Variants in PACS1 observed in about 807,000 individuals in gnomAD.
The protein encoded by PACS1 is phosphofurin acidic cluster sorting protein 1, also known as PACS-1.
PACS1 carries 24 observed loss-of-function variants against 115.0 expected under a neutral mutation model. The ratio of observed to expected loss-of-function variants is 0.21; its 90% CI spans 0.15 to 0.29. The LOEUF is 0.29. Among genes scored for constraint, PACS1 ranks in the 10% least tolerant of loss-of-function variants. The pLI, the probability that PACS1 is intolerant of heterozygous loss-of-function variation, is 1.00. For synonymous variants in PACS1, 453 were observed against 504.5 expected (o/e 0.90, Z 1.37); for missense variants, 838 against 1,251.2 (o/e 0.67, Z 4.98).
intron 1 of PACS1, among the ~76,000 whole-genome samples, chr11:66,163,081 G>T (rs989750108): frequency 6.6e-6 from 1 of 152,122 alleles, no homozygotes; most frequent in Non-Finnish European, 1.5e-5. Flanking sequence ...GGGTGTGGTG[G>T]CTCACACCTG....
At chr11:66,145,767 G>A (rs1859108307) in intron 1 of PACS1, among the ~76,000 whole-genome samples, 1 of 152,212 alleles carries the variant, frequency 6.6e-6, no homozygotes, top group African/African-American at 2.4e-5. Context: ...CCCATGGGCA[G>A]AGGTTGGAAG....
At chr11:66,094,678 C>A (rs1039146632) in intron 1 of PACS1, among the ~76,000 whole-genome samples, 3 of 152,224 alleles carry the variant, frequency 2.0e-5, no homozygotes, top group Non-Finnish European at 4.4e-5. Context: ...AGGAGGGAAT[C>A]CTCCCTAACT....
intron 7 of PACS1, 80 bp downstream of exon 7, chr11:66,216,855 G>C: frequency 1.1e-6 from 1 of 912,806 alleles, no homozygotes; most frequent in South Asian, 1.4e-5. Context: ...TTCAGGCCTA[G>C]TGGAGACTTC....
rs375226032 is a variant in PACS1, at chr11:66,230,541, A to G, written c.1375-7A>G. The stretch of plus-strand genomic sequence containing the variant: ...TCATCTTCACTGTTTCCTCTCCTCC[A>G]TGGTAGGAAATCACTGACCAGGACA... On this transcript the variant is annotated splice_polypyrimidine_tract_variant and splice_region_variant and intron_variant, in intron 11 of 23. Transcript: ENST00000320580. 6.3e-5 allele frequency: 102 copies of G among 1,607,866 alleles called. 1 individual carries two copies. The highest frequency in any genetic ancestry group is 1.6e-4 in the Middle Eastern group (1 of 6,078).
intron 1 of PACS1, among the ~76,000 whole-genome samples, chr11:66,188,244 A>C (rs1854433468): frequency 7.3e-6 from 1 of 136,090 alleles, no homozygotes; most frequent in Non-Finnish European, 1.6e-5. Context: ...TGAGTAGTTT[A>C]CAAATATTTT....
intron 1 of PACS1, among the ~76,000 whole-genome samples, chr11:66,072,749 G>A (rs776328136): frequency 6.6e-6 from 1 of 152,108 alleles, no homozygotes; most frequent in Non-Finnish European, 1.5e-5. Context: ...TCCTTCCTAC[G>A]TGGGTCCAGT....
intron 4 of PACS1, among the ~76,000 whole-genome samples, chr11:66,215,285 A>G (rs899067372): frequency 6.6e-6 from 1 of 151,526 alleles, no homozygotes; most frequent in African/African-American, 2.4e-5. Flanking sequence ...GGCCCTGACC[A>G]GCACTTCTGG....
At chr11:66,085,889 G>T (rs1208906546) in intron 1 of PACS1, among the ~76,000 whole-genome samples, 3 of 152,210 alleles carry the variant, frequency 2.0e-5, no homozygotes, top group Non-Finnish European at 4.4e-5. Context: ...GCCATCAGGT[G>T]CTTGTGGGTA....
intron 7 of PACS1, chr11:66,217,753 C>T (rs934705393): frequency 1.3e-5 from 5 of 382,980 alleles, no homozygotes; most frequent in Non-Finnish European, 2.1e-5. Flanking sequence ...TCACCAGTAC[C>T]CCAAATGCTT....
chr11:66,103,783 G>A (rs1229375337), intron 1 of PACS1, among the ~76,000 whole-genome samples: 3 of 151,938 alleles, frequency 2.0e-5, no homozygotes, highest in Non-Finnish European at 4.4e-5. Context: ...CAAAGTGCTG[G>A]GATTACAGGC....
At chr11:66,222,228 G>A (rs916543163) in intron 10 of PACS1, among the ~76,000 whole-genome samples, 3 of 152,236 alleles carry the variant, frequency 2.0e-5, no homozygotes, top group African/African-American at 7.2e-5. Context: ...GAAGGAGCAG[G>A]TATGGAGAGG....
At position 66,226,780 on chromosome 11, in the gene PACS1, A is replaced by G. The variant is rs1055860871; in HGVS notation, c.1294-724A>G. Among the ~76,000 whole-genome samples, 3 of 152,202 alleles carry G rather than the reference A, an allele frequency of 2.0e-5. No homozygotes were observed. In the East Asian group the frequency reaches 5.8e-4, roughly 29 times the overall value. On this transcript the variant is annotated intron_variant, in intron 10 of 23. Transcript: ENST00000320580. The stretch of plus-strand genomic sequence containing the variant: ...TACAAGAAACAAAAAGATTCACTAA[A>G]GCCAGTACCTTCCCTGCATCTAAGA...
At chr11:66,172,135 C>T (rs1352004674) in intron 1 of PACS1, among the ~76,000 whole-genome samples, 1 of 152,152 alleles carries the variant, frequency 6.6e-6, no homozygotes, top group Non-Finnish European at 1.5e-5. Flanking sequence ...TTTAAATTTC[C>T]CTATATTTTT....
At chr11:66,072,115 T>C (rs1857318398) in intron 1 of PACS1, among the ~76,000 whole-genome samples, 1 of 152,230 alleles carries the variant, frequency 6.6e-6, no homozygotes, top group South Asian at 2.1e-4. Context: ...TAGTTCTGAA[T>C]GTTCTTGAAG....
intron 1 of PACS1, among the ~76,000 whole-genome samples, chr11:66,103,615 T>C (rs1475248259): frequency 1.3e-5 from 2 of 150,560 alleles, no homozygotes; most frequent in Non-Finnish European, 1.5e-5. Flanking sequence ...AGTTCAAGTG[T>C]TTCTCTTACC....
At chr11:66,128,681 C>G (rs1456314203) in intron 1 of PACS1, among the ~76,000 whole-genome samples, 1 of 151,836 alleles carries the variant, frequency 6.6e-6, no homozygotes, top group Admixed American at 6.6e-5. Context: ...GTTAGGAGTT[C>G]GAGACCAGCC....
At chr11:66,174,357 CT>C (rs34841412) in intron 1 of PACS1, among the ~76,000 whole-genome samples, 150,202 of 152,284 alleles carry the variant, frequency 0.99, 74,100 homozygotes, top group Middle Eastern at 1. Flanking sequence ...TTGGAAAATA[CT>C]TTTGACAGTT....
chr11:66,173,161 G>A (rs1428976292), intron 1 of PACS1, among the ~76,000 whole-genome samples: 1 of 147,212 alleles, frequency 6.8e-6, no homozygotes, highest in African/African-American at 2.5e-5. Flanking sequence ...TTAAACTCCT[G>A]GGCTCAAGCA....
At chr11:66,073,659 T>C (rs1441231111) in intron 1 of PACS1, among the ~76,000 whole-genome samples, 2 of 152,220 alleles carry the variant, frequency 1.3e-5, no homozygotes, top group Admixed American at 6.5e-5. Context: ...CCAGAATACA[T>C]AGTACTTTTG....
Sources: allele counts gnomAD v4.1 joint callset (sites outside exome capture counted in the v4.1 genomes callset), GRCh38; gene constraint gnomAD v4.1.1; transcripts MANE v1.5; gene names NCBI Gene and HGNC (gene_info 2026-07-23, HGNC 2026-07-21).